CHRNB4: variants seen among roughly 807,000 people sequenced by gnomAD.
CHRNB4 encodes neuronal acetylcholine receptor subunit beta-4.
Under a neutral mutation model 40.4 loss-of-function variants are expected in CHRNB4, and 23 were observed. The ratio of observed to expected loss-of-function variants is 0.57; its 90% CI spans 0.41 to 0.81. The LOEUF is 0.81. Among genes scored for constraint, CHRNB4 ranks in the 30% least tolerant of loss-of-function variants. The pLI is 0.00. For missense variants in CHRNB4, 568 were observed against 670.6 expected (o/e 0.85, Z 1.69); for synonymous variants, 285 against 274.4 (o/e 1.04, Z -0.38).
chr15:78,650,120 C>G (rs1757992519), intron 6 of CHRNB4, among the ~76,000 whole-genome samples: 1 of 152,182 alleles, frequency 6.6e-6, no homozygotes, highest in Non-Finnish European at 1.5e-5. Context: ...CTAGCCAGGC[C>G]CCAGCTGCAG....
chr15:78,631,381 C>T (rs1186142665), intron 2 of CHRNB4, 49 bp from the exon 3 acceptor site: 1 of 1,584,778 alleles, frequency 6.3e-7, no homozygotes, highest in Admixed American at 1.7e-5. Flanking sequence ...AGGAGCCTCA[C>T]AAATGGATTG....
intron 2 of CHRNB4, among the ~76,000 whole-genome samples, chr15:78,634,195 C>A (rs1047192569): frequency 2.6e-5 from 4 of 152,148 alleles, no homozygotes; most frequent in African/African-American, 9.7e-5. Flanking sequence ...GTGGCCGCAT[C>A]CCCTCCTCCT....
At chr15:78,657,115 C>A (rs913213681) in intron 3 of CHRNB4, among the ~76,000 whole-genome samples, 9 of 152,102 alleles carry the variant, frequency 5.9e-5, no homozygotes, top group Non-Finnish European at 1.0e-4. Flanking sequence ...ACCTCTGCCT[C>A]CTAGGTTCAA....
At chr15:78,634,883 A>G in intron 2 of CHRNB4, 1 of 420,120 alleles carries the variant, frequency 2.4e-6, no homozygotes, top group Non-Finnish European at 4.8e-6. Context: ...CATATGGACA[A>G]CCTGACAATG....
intron 6 of CHRNB4, among the ~76,000 whole-genome samples, chr15:78,649,731 C>T (rs1163534905): frequency 2.0e-5 from 3 of 151,038 alleles, no homozygotes; most frequent in Admixed American, 6.6e-5. Context: ...AAGATACCCA[C>T]GTAAGTAGCA....
intron 5 of CHRNB4, among the ~76,000 whole-genome samples, chr15:78,653,195 T>C (rs950500724): frequency 6.6e-6 from 1 of 152,188 alleles, no homozygotes. Context: ...ATCCTGACTG[T>C]TGCTTCCTCA....
chr15:78,626,685 G>A (rs1417932794), intron 5 of CHRNB4: 4 of 152,166 alleles, frequency 2.6e-5, no homozygotes, highest in East Asian at 1.9e-4. Flanking sequence ...TCTGAGCTTC[G>A]CTTTGAAAGC....
At chr15:78,641,310 G>A, upstream of CHRNB4, 1 of 535,528 alleles carries the variant, frequency 1.9e-6, no homozygotes, top group Non-Finnish European at 3.1e-6. Context: ...GATGTACTGG[G>A]CCCGCTGCTC....
At chr15:78,652,022 C>A (rs1035410612) in intron 6 of CHRNB4, among the ~76,000 whole-genome samples, 1 of 152,240 alleles carries the variant, frequency 6.6e-6, no homozygotes, top group African/African-American at 2.4e-5. Flanking sequence ...TCACAAGAAG[C>A]TACTGCCCCA....
rs2053724503 is a variant in CHRNB4 at position 78,628,959 on chromosome 15, C to T, written c.1338+8G>A. 2 of 1,602,730 alleles carry T rather than the reference C, an allele frequency of 1.2e-6. No homozygotes were observed. Among genetic ancestry groups the T allele is most frequent in the Non-Finnish European group, 1.7e-6 (2 of 1,171,674 alleles). The stretch of plus-strand genomic sequence containing the variant: ...GGGCAGGTGGGCAGGGGCTGGTTAG[C>T]AACTTACACTCTGGTCTTCATCGTC... On this transcript the variant is annotated splice_region_variant and intron_variant, in intron 5 of 5. Coordinates refer to ENST00000261751, the MANE Select transcript of CHRNB4 (RefSeq NM_000750.5).
intron 2 of CHRNB4, among the ~76,000 whole-genome samples, chr15:78,632,581 C>T (rs2053856832): frequency 6.6e-6 from 1 of 151,924 alleles, no homozygotes; most frequent in African/African-American, 2.4e-5. Context: ...AAAGTGCTGG[C>T]ATTACAGGTA....
chr15:78,646,288 A>G (rs1339236074), intron 7 of CHRNB4, among the ~76,000 whole-genome samples: 3 of 152,188 alleles, frequency 2.0e-5, no homozygotes, highest in African/African-American at 7.2e-5. Context: ...ATATTCTAAA[A>G]ACGATGTTGG....
upstream of CHRNB4, among the ~76,000 whole-genome samples, chr15:78,643,073 GA>G (rs2054094958): frequency 6.6e-6 from 1 of 151,720 alleles, no homozygotes; most frequent in Non-Finnish European, 1.5e-5. Flanking sequence ...ACAATACCCA[GA>G]ACCTAGAAAA....
At chr15:78,640,615 C>T (rs1387978766) in intron 1 of CHRNB4, among the ~76,000 whole-genome samples, 1 of 152,240 alleles carries the variant, frequency 6.6e-6, no homozygotes, top group Admixed American at 6.5e-5. Flanking sequence ...GCAGCAGATT[C>T]GCTCCCAAGC....
intron 5 of CHRNB4, among the ~76,000 whole-genome samples, chr15:78,654,441 G>A (rs1237689440): frequency 6.6e-6 from 1 of 152,236 alleles, no homozygotes; most frequent in Non-Finnish European, 1.5e-5. Context: ...GGTAAAGCCT[G>A]GATTAGGAGA....
chr15:78,628,876 C>T, intron 5 of CHRNB4, 91 bp downstream of exon 5: 1 of 1,477,340 alleles, frequency 6.8e-7, no homozygotes, highest in Non-Finnish European at 9.1e-7. Flanking sequence ...GTCCTTGTCT[C>T]CTATGAATTA....
intron 5 of CHRNB4, chr15:78,655,466 C>CTATATCTATATATATCTATATCTATA (rs2054206681): frequency 1.3e-5 from 1 of 76,580 alleles, no homozygotes; most frequent in Non-Finnish European, 4.2e-5. Context: ...ATCTATATAT[C>CTATATCTATATATATCTATATCTATA]TATATCTATA....
At chr15:78,634,683 G>A (rs2053908923) in intron 2 of CHRNB4, 3 of 455,844 alleles carry the variant, frequency 6.6e-6, no homozygotes, top group African/African-American at 6.0e-5. Flanking sequence ...ACAGCGCCCT[G>A]CACTCTCCCC....
At chr15:78,660,065 G>A (rs1319766533) in intron 1 of CHRNB4, among the ~76,000 whole-genome samples, 1 of 152,136 alleles carries the variant, frequency 6.6e-6, no homozygotes, top group African/African-American at 2.4e-5. Context: ...AAATTAGCCA[G>A]GCGTGTTGGT....
Sources: gnomAD v4.1 joint callset for allele counts (sites outside exome capture counted in the v4.1 genomes callset) on GRCh38, gnomAD v4.1.1 for gene constraint, MANE v1.5 for transcripts, NCBI Gene and HGNC (gene_info 2026-07-23, HGNC 2026-07-21) for gene names.